TACR1: variants seen among roughly 807,000 people sequenced by gnomAD.
The protein encoded by TACR1 is substance-P receptor.
TACR1 carries 25 observed loss-of-function variants against 35.8 expected under a neutral mutation model. The ratio of observed to expected loss-of-function variants is 0.70; its 90% CI spans 0.51 to 0.98. The LOEUF (loss-of-function observed/expected upper bound fraction) is 0.98, where lower values mean the gene tolerates loss of function less well. TACR1 is among the 50% of genes least tolerant of loss of function. The pLI, the probability that TACR1 is intolerant of heterozygous loss-of-function variation, is 0.00. For missense variants in TACR1, 478 were observed against 522.9 expected (o/e 0.91, Z 0.84); for synonymous variants, 195 against 206.7 (o/e 0.94, Z 0.48).
chr2:75,151,428 T>C (rs1243756417), intron 1 of TACR1, among the ~76,000 whole-genome samples: 1 of 152,196 alleles, frequency 6.6e-6, no homozygotes, highest in African/African-American at 2.4e-5. Context: ...AAGGGGCCAA[T>C]GTACAGCTTG....
chr2:75,078,116 T>A (rs140884174), intron 2 of TACR1, among the ~76,000 whole-genome samples: 1 of 152,342 alleles, frequency 6.6e-6, no homozygotes, highest in East Asian at 1.9e-4. Flanking sequence ...GAGGTAGGTC[T>A]CTACTACCAT....
At chr2:75,122,221 G>A (rs907519322) in intron 1 of TACR1, among the ~76,000 whole-genome samples, 6 of 152,322 alleles carry the variant, frequency 3.9e-5, no homozygotes, top group Non-Finnish European at 5.9e-5. Flanking sequence ...GCCCTGGAAT[G>A]GCAGGTGGTC....
chr2:75,081,064 G>A (rs1035107650), intron 2 of TACR1, among the ~76,000 whole-genome samples: 5 of 152,146 alleles, frequency 3.3e-5, no homozygotes, highest in African/African-American at 1.2e-4. Context: ...GACTGCTCGA[G>A]AGAAAAATGG....
At chr2:75,136,616 A>C (rs741419) in intron 1 of TACR1, among the ~76,000 whole-genome samples, 63,406 of 152,004 alleles carry the variant, frequency 0.42, 14,180 homozygotes, top group Non-Finnish European at 0.5. Context: ...GCCTCATCTT[A>C]CAGCATCCCT....
chr2:75,196,637 T>C (rs1675983700), intron 1 of TACR1, among the ~76,000 whole-genome samples: 1 of 152,134 alleles, frequency 6.6e-6, no homozygotes, highest in Non-Finnish European at 1.5e-5. Context: ...CAATCCACTG[T>C]GCGGACTCTG....
At chr2:75,166,021 T>A (rs1248629544) in intron 1 of TACR1, among the ~76,000 whole-genome samples, 1 of 152,262 alleles carries the variant, frequency 6.6e-6, no homozygotes, top group Non-Finnish European at 1.5e-5. Flanking sequence ...TAAAAAGTCA[T>A]GCAAATGTAC....
chr2:75,085,796 A>G (rs1430936467), intron 2 of TACR1, among the ~76,000 whole-genome samples: 1 of 151,832 alleles, frequency 6.6e-6, no homozygotes, highest in Non-Finnish European at 1.5e-5. Flanking sequence ...CTTTTTTCAT[A>G]TCTTATTGAA....
intron 2 of TACR1, among the ~76,000 whole-genome samples, chr2:75,083,020 T>C (rs1673121499): frequency 6.6e-6 from 1 of 152,164 alleles, no homozygotes; most frequent in Admixed American, 6.5e-5. Context: ...TCCTGAATGG[T>C]ATTGCCTAGG....
intron 2 of TACR1, among the ~76,000 whole-genome samples, chr2:75,114,345 C>T (rs1673809996): frequency 6.6e-6 from 1 of 151,992 alleles, no homozygotes; most frequent in Admixed American, 6.5e-5. Context: ...GCAGAAATTC[C>T]CAGCTTGTCT....
chr2:75,096,058 A>G (rs1171983180), intron 2 of TACR1, among the ~76,000 whole-genome samples: 2 of 152,162 alleles, frequency 1.3e-5, no homozygotes, highest in African/African-American at 4.8e-5. Flanking sequence ...GGAGGCAGTG[A>G]GGGGCAACTT....
At chr2:75,050,941 A>G (rs905270621) in intron 4 of TACR1, 20 of 392,362 alleles carry the variant, frequency 5.1e-5, no homozygotes, top group East Asian at 2.3e-4. Flanking sequence ...CCTGCCTTAC[A>G]TGCATTAACC....
intron 2 of TACR1, among the ~76,000 whole-genome samples, chr2:75,076,587 G>A (rs1267106743): frequency 3.3e-5 from 5 of 152,158 alleles, no homozygotes; most frequent in African/African-American, 1.2e-4. Context: ...AAAGCTTGGA[G>A]TACAGCTTCC....
intron 1 of TACR1, chr2:75,154,352 C>G (rs888518490): frequency 6.6e-6 from 1 of 152,032 alleles, no homozygotes; most frequent in Admixed American, 6.6e-5. Flanking sequence ...GCCACTCACT[C>G]CGGGAGATTT....
chr2:75,156,434 CA>C (rs60552665), intron 1 of TACR1: 318 of 112,148 alleles, frequency 2.8e-3, no homozygotes, highest in Middle Eastern at 9.7e-3. Flanking sequence ...ACCAAAAATA[CA>C]AAAAAAAAAA....
At chr2:75,144,087 C>A (rs1674460371) in intron 1 of TACR1, among the ~76,000 whole-genome samples, 1 of 152,208 alleles carries the variant, frequency 6.6e-6, no homozygotes, top group South Asian at 2.1e-4. Context: ...TCATGGGGAA[C>A]TTTAACTTGG....
chr2:75,181,262 A>G (rs1021119903), intron 1 of TACR1, among the ~76,000 whole-genome samples: 4 of 152,208 alleles, frequency 2.6e-5, no homozygotes, highest in African/African-American at 9.6e-5. Flanking sequence ...AAAAACAAAT[A>G]TGAATTTAAA....
chr2:75,161,628 T>G (rs771934160), intron 1 of TACR1, among the ~76,000 whole-genome samples: 1 of 151,992 alleles, frequency 6.6e-6, no homozygotes. Context: ...ATAGTCCATA[T>G]AGTAAAGGAG....
At chr2:75,054,811 T>C (rs115776714) in intron 2 of TACR1, among the ~76,000 whole-genome samples, 2,041 of 152,234 alleles carry the variant, frequency 0.013, 38 homozygotes, top group African/African-American at 0.045. Flanking sequence ...TAGGTCACTG[T>C]GCTAATAATA....
At chr2:75,156,617 A>G (rs1674864658) in intron 1 of TACR1, among the ~76,000 whole-genome samples, 3 of 151,556 alleles carry the variant, frequency 2.0e-5, no homozygotes, top group Admixed American at 2.0e-4. Context: ...AAAAAAAAAA[A>G]AAAAGAAAGA....
Sources: gnomAD v4.1 joint callset for allele counts (sites outside exome capture counted in the v4.1 genomes callset) on GRCh38, gnomAD v4.1.1 for gene constraint, MANE v1.5 for transcripts, NCBI Gene and HGNC (gene_info 2026-07-23, HGNC 2026-07-21) for gene names.